The following BAZ2B variants were observed in gnomAD, a reference collection of about 807,000 sequenced individuals.
The protein encoded by BAZ2B is bromodomain adjacent to zinc finger domain 2B, also known as bromodomain adjacent to zinc finger domain protein 2B.
A neutral mutation model predicts 246.0 loss-of-function variants in BAZ2B; 91 were observed. The observed-to-expected ratio is 0.37, with a 90% CI of 0.31 to 0.44. The LOEUF is 0.44. Among genes scored for constraint, BAZ2B ranks in the 20% least tolerant of loss-of-function variants. The pLI is 1.00. For missense variants in BAZ2B, 2,332 were observed against 2,533.7 expected (o/e 0.92, Z 1.71); for synonymous variants, 855 against 860.0 (o/e 0.99, Z 0.10).
intron 2 of BAZ2B, among the ~76,000 whole-genome samples, chr2:159,485,060 G>A (rs2079665882): frequency 6.6e-6 from 1 of 152,074 alleles, no homozygotes; most frequent in Admixed American, 6.6e-5. Flanking sequence ...AATATCAGGA[G>A]GTAGTCACTA....
intron 1 of BAZ2B, among the ~76,000 whole-genome samples, chr2:159,573,404 T>G (rs1042649094): frequency 9.9e-5 from 15 of 151,966 alleles, no homozygotes; most frequent in Admixed American, 7.9e-4. Flanking sequence ...CCAAAACAAT[T>G]CAATGGGGAA....
rs1553473511 is a variant in BAZ2B, at chr2:159,325,136, T to TATA, written c.6210-185_6210-183dup. ...TATATTTTATATATATATATATATA[T>TATA]ATATATATATATGAGATAGGGTCTT... On this transcript the variant is annotated intron_variant, in intron 35 of 36. Coordinates refer to ENST00000392783, the MANE Select transcript of BAZ2B (RefSeq NM_013450.4). Among the ~76,000 whole-genome samples, 40 of 44,962 alleles carry TATA rather than the reference T, an allele frequency of 8.9e-4. 2 individuals carry two copies. The highest frequency in any genetic ancestry group is 3.6e-3 in the African/African-American group (39 of 10,902). The allele number at this position is 44,962 out of a possible 152,430, so 29.5% of individuals were successfully genotyped here.
rs766078724 is a variant in BAZ2B at position 159,438,305 on chromosome 2, G to A, written c.1291C>T (p.Arg431Trp). The A allele has an allele frequency of 7.4e-6, 12 of 1,610,940 alleles. No homozygotes were observed. Among genetic ancestry groups the A allele is most frequent in the East Asian group, 4.5e-5 (2 of 44,836 alleles). Reference protein sequence around the residue: ...SLLTSELRSKREQYKQAFPSQ... With the variant: ...SLLTSELRSKWEQYKQAFPSQ... ...TGTATAAATAATTTGTAACTCACCC[G>A]TTTGGATCTCAATTCACTGGTCAAT... Residue 431 changes from arginine (R) to tryptophan (W), a missense_variant and splice_region_variant, in exon 8 of 37, where the codon CGG (arginine) becomes TGG (tryptophan). Transcript: ENST00000392783.
At chr2:159,468,451 A>C (rs143838264) in intron 3 of BAZ2B, among the ~76,000 whole-genome samples, 325 of 152,358 alleles carry the variant, frequency 2.1e-3, no homozygotes, top group African/African-American at 7.6e-3. Flanking sequence ...ATGAAAAAGC[A>C]GAAGTGGGAA....
intron 4 of BAZ2B, among the ~76,000 whole-genome samples, chr2:159,451,465 T>A (rs976992343): frequency 2.0e-5 from 3 of 152,192 alleles, no homozygotes; most frequent in African/African-American, 7.2e-5. Context: ...AGAAAATTTA[T>A]ATTTAAGTTA....
chr2:159,707,077 T>C, the BAZ2B span, among the ~76,000 whole-genome samples: 1 of 152,210 alleles, frequency 6.6e-6, no homozygotes, highest in African/African-American at 2.4e-5. Flanking sequence ...ATGTATTGTA[T>C]ACTACTGGTT....
chr2:159,347,374 A>G, intron 31 of BAZ2B, 112 bp downstream of exon 31: 3 of 1,244,646 alleles, frequency 2.4e-6, no homozygotes, highest in Non-Finnish European at 3.4e-6. Flanking sequence ...TCAGAATTAA[A>G]TGAGACAAAA....
Position 159,320,228 on chromosome 2 carries a change from T to C in BAZ2B, c.*37A>G. 1.3e-6 allele frequency: 2 copies of C among 1,481,860 alleles called. No individual in the cohort carries two copies. The highest frequency in any genetic ancestry group is 2.5e-5 in the East Asian group (1 of 39,290). The allele number at this position is 1,481,860 out of a possible 1,614,324, so 91.8% of individuals were successfully genotyped here. ...TCACATTGCTGGTCTCATTTGTCCT[T>C]GTTTAGAAGGAAAAAAATAAAGAGA... is the stretch of plus-strand genomic sequence containing the variant. On this transcript the variant is annotated 3_prime_UTR_variant, in exon 37 of 37. Coordinates refer to ENST00000392783, the MANE Select transcript of BAZ2B (RefSeq NM_013450.4).
At chr2:159,674,376 G>A in the BAZ2B span, among the ~76,000 whole-genome samples, 2 of 143,918 alleles carry the variant, frequency 1.4e-5, no homozygotes, top group African/African-American at 5.0e-5. Flanking sequence ...AAAAGGAAGG[G>A]AAGGGAAGAA....
intron 11 of BAZ2B, 38 bp from the exon 12 acceptor site, chr2:159,428,457 T>C (rs1576919532): frequency 6.7e-7 from 1 of 1,483,676 alleles, no homozygotes; most frequent in East Asian, 2.3e-5. Context: ...ACATACTTAA[T>C]TTCAAGAAAG....
rs564292204 is a variant in BAZ2B, at chr2:159,439,081, A to ATCT, written c.825_827dup (p.Glu275dup). On this transcript the variant is annotated inframe_insertion, in exon 7 of 37. Transcript: ENST00000392783. ...CATCTTCACTTTCTTCAATACTTTG[A>ATCT]TCTTCTTCTTCTTCATCTTCTTCTA... is the stretch of plus-strand genomic sequence containing the variant. The ATCT allele has an allele frequency of 9.5e-5, 154 of 1,613,676 alleles. No individual in the cohort carries two copies. The East Asian group carries it at 3.1e-3, about 32-fold the overall frequency.
intron 27 of BAZ2B, among the ~76,000 whole-genome samples, chr2:159,369,933 A>G (rs958566772): frequency 2.6e-5 from 4 of 152,214 alleles, no homozygotes; most frequent in African/African-American, 9.6e-5. Context: ...ATGTCCAACA[A>G]TGATAGACAG....
At chr2:159,344,032 A>G (rs1006691585) in intron 31 of BAZ2B, among the ~76,000 whole-genome samples, 1 of 150,090 alleles carries the variant, frequency 6.7e-6, no homozygotes, top group Non-Finnish European at 1.5e-5. Context: ...CATCTCAAAA[A>G]AAAAAAAAAA....
At chr2:159,543,194 G>C (rs1360419734) in intron 2 of BAZ2B, among the ~76,000 whole-genome samples, 1 of 152,078 alleles carries the variant, frequency 6.6e-6, no homozygotes, top group Non-Finnish European at 1.5e-5. Flanking sequence ...AAAAATTTTA[G>C]TTCTTATTTC....
At chr2:159,708,831 G>C in the BAZ2B span, among the ~76,000 whole-genome samples, 1 of 151,916 alleles carries the variant, frequency 6.6e-6, no homozygotes, top group East Asian at 1.9e-4. Context: ...CAAAGTCCTG[G>C]GATTATAGGC....
chr2:159,419,368 G>GA (rs1180228085), intron 13 of BAZ2B, among the ~76,000 whole-genome samples: 2 of 152,036 alleles, frequency 1.3e-5, no homozygotes, highest in Non-Finnish European at 2.9e-5. Context: ...AACATCATGA[G>GA]AAAAAAATCA....
At chr2:159,560,817 G>T (rs1972678) in intron 1 of BAZ2B, among the ~76,000 whole-genome samples, 2 of 151,930 alleles carry the variant, frequency 1.3e-5, no homozygotes, top group Non-Finnish European at 2.9e-5. Flanking sequence ...ATGAGCCACC[G>T]CACCCGGCTA....
intron 2 of BAZ2B, 97 bp from the exon 3 acceptor site, chr2:159,478,818 T>C (rs2078926279): frequency 2.3e-6 from 2 of 861,592 alleles, no homozygotes; most frequent in Admixed American, 3.9e-5. Context: ...AAATATAAAA[T>C]AAATTTCTAA....
intron 4 of BAZ2B, 34 bp downstream of exon 4, chr2:159,453,579 C>T: frequency 1.9e-6 from 3 of 1,539,210 alleles, no homozygotes; most frequent in African/African-American, 1.4e-5. Flanking sequence ...AGCTTTCCTC[C>T]TTCCCTTGAA....
Sources: gnomAD v4.1 joint callset for allele counts (sites outside exome capture counted in the v4.1 genomes callset) on GRCh38, gnomAD v4.1.1 for gene constraint, MANE v1.5 for transcripts, NCBI Gene and HGNC (gene_info 2026-07-23, HGNC 2026-07-21) for gene names.